ABCC5: variants seen among roughly 807,000 people sequenced by gnomAD.
The protein encoded by ABCC5 is ATP-binding cassette sub-family C member 5.
In ABCC5, 61 loss-of-function variants were observed where a neutral mutation model predicts 160.9. That is an observed-to-expected ratio of 0.38 (90% CI 0.31 to 0.47). The LOEUF (loss-of-function observed/expected upper bound fraction) is 0.47, where lower values mean the gene tolerates loss of function less well. ABCC5 is among the 20% of genes least tolerant of loss of function. The pLI, the probability that ABCC5 is intolerant of heterozygous loss-of-function variation, is 0.99. For synonymous variants in ABCC5, 666 were observed against 700.6 expected, an observed-to-expected ratio of 0.95 and a Z score of 0.78; for missense variants, 1,308 against 1,813.3, an observed-to-expected ratio of 0.72 and a Z score of 5.06.
At position 183,927,242 on chromosome 3, in the gene ABCC5, A is replaced by G. The variant is rs1416226006; in HGVS notation, c.4047+88T>C. On this transcript the variant is annotated intron_variant, in intron 28 of 29. Transcript: ENST00000334444. ...GAAAGTGCCAACAGGGATCAGAGCC[A>G]GGAATACCTTTGGACCCCAGTGTGT... 4 of 1,329,966 alleles carry G rather than the reference A, an allele frequency of 3.0e-6. No individual in the cohort carries two copies. In the East Asian group the frequency reaches 1.0e-4, roughly 34 times the overall value. 82.4% of individuals were successfully genotyped at this position (1,329,966 alleles called of 1,614,324 possible).
intron 9 of ABCC5, 126 bp downstream of exon 9, chr3:183,978,377 G>T: frequency 9.4e-7 from 1 of 1,069,002 alleles, no homozygotes; most frequent in Non-Finnish European, 1.3e-6. Context: ...CCCCCAGGCT[G>T]GAGTGCAATG....
At chr3:183,929,351 T>G (rs1366730572) in intron 26 of ABCC5, among the ~76,000 whole-genome samples, 1 of 152,116 alleles carries the variant, frequency 6.6e-6, no homozygotes, top group Non-Finnish European at 1.5e-5. Flanking sequence ...GAGAATTGCT[T>G]GAACCCAGGA....
At position 183,982,452 on chromosome 3, in the gene ABCC5, A is replaced by G; in HGVS notation, c.998T>C (p.Met333Thr). 1 of 1,613,536 alleles carries G rather than the reference A, an allele frequency of 6.2e-7. No individual in the cohort carries two copies. The highest frequency in any genetic ancestry group is 8.5e-7 in the Non-Finnish European group (1 of 1,179,674). The change falls in exon 7 of 30, where the codon ATG (methionine) becomes ACG (threonine). Residue 333 changes from methionine (M) to threonine (T), a missense_variant and splice_region_variant. Physicochemically the swap from Met to Thr is moderately conservative, Grantham distance 81 (BLOSUM62 -1). Coordinates refer to ENST00000334444, the MANE Select transcript of ABCC5 (RefSeq NM_005688.4). The surrounding 1 kb of genome is among the most constrained non-coding windows in gnomAD (Gnocchi z 5.2). The part of the protein sequence containing the change: ...SAVFILFYPA[M>T]MFASRLTAYF... ...GATTCAGCTGGGAGGCTTACTCACC[A>G]TTGCTGGGTAAAAGAGGATAAAAAC...
chr3:184,008,097 T>G (rs1721386781), intron 2 of ABCC5, among the ~76,000 whole-genome samples: 1 of 145,088 alleles, frequency 6.9e-6, no homozygotes, highest in African/African-American at 2.6e-5. Context: ...GCATCTAAAT[T>G]ACAGTCATCT....
intron 2 of ABCC5, among the ~76,000 whole-genome samples, chr3:184,002,571 C>T (rs562259407): frequency 1.3e-5 from 2 of 152,352 alleles, no homozygotes; most frequent in South Asian, 2.1e-4. Flanking sequence ...GACGCTTCTG[C>T]GGGCGCTAAC....
intron 11 of ABCC5, among the ~76,000 whole-genome samples, chr3:183,970,105 T>G (rs981700963): frequency 5.3e-5 from 8 of 152,216 alleles, no homozygotes; most frequent in Non-Finnish European, 1.2e-4. Context: ...CATTCTGCTG[T>G]GAATCCTCCA....
At chr3:183,980,526 A>G (rs1307241920) in intron 8 of ABCC5, among the ~76,000 whole-genome samples, 1 of 152,154 alleles carries the variant, frequency 6.6e-6, no homozygotes, top group African/African-American at 2.4e-5. Context: ...TCTAGTAGAA[A>G]CAAACTCACT....
At chr3:183,952,372 C>G (rs996960790) in intron 18 of ABCC5, among the ~76,000 whole-genome samples, 1 of 152,132 alleles carries the variant, frequency 6.6e-6, no homozygotes, top group Non-Finnish European at 1.5e-5. Flanking sequence ...GTCTTGAACT[C>G]CTAGCCCCAA....
chr3:183,986,134 AAT>A (rs1719198702), intron 5 of ABCC5: 1 of 152,328 alleles, frequency 6.6e-6, no homozygotes, highest in South Asian at 2.1e-4. Context: ...TGCTAGTACT[AAT>A]CTCAAAACCA....
chr3:183,935,344 C>G (rs1713595364), intron 26 of ABCC5, among the ~76,000 whole-genome samples: 1 of 150,582 alleles, frequency 6.6e-6, no homozygotes, highest in African/African-American at 2.5e-5. Context: ...CCAAGACTGG[C>G]TAATTTTTGT....
chr3:183,967,365 C>G, intron 12 of ABCC5: 1 of 308,158 alleles, frequency 3.2e-6, no homozygotes, highest in South Asian at 3.2e-5. Flanking sequence ...TGTAGGGTGT[C>G]TGCTCATCTC....
intron 2 of ABCC5, among the ~76,000 whole-genome samples, chr3:184,010,864 C>T (rs1223478136): frequency 1.4e-5 from 2 of 144,124 alleles, no homozygotes; most frequent in South Asian, 2.2e-4. Context: ...ATGGCGCGAT[C>T]TTGGTTCACT....
At chr3:183,961,369 A>G (rs1716716252) in intron 16 of ABCC5, 142 bp downstream of exon 16, 2 of 1,027,156 alleles carry the variant, frequency 1.9e-6, no homozygotes, top group East Asian at 5.2e-5. Flanking sequence ...ACTAAGGCAC[A>G]GCAGTCTGTT....
intron 2 of ABCC5, among the ~76,000 whole-genome samples, chr3:184,013,203 C>T (rs1721899615): frequency 6.6e-6 from 1 of 152,192 alleles, no homozygotes; most frequent in Non-Finnish European, 1.5e-5. Flanking sequence ...AATCCCACAA[C>T]TATCTAGAAT....
chr3:183,979,165 CA>C (rs749960216), intron 8 of ABCC5, among the ~76,000 whole-genome samples: 1 of 152,058 alleles, frequency 6.6e-6, no homozygotes, highest in Non-Finnish European at 1.5e-5. Context: ...GCCAACACGG[CA>C]AAACCCCGTC....
chr3:183,962,844 G>A lies in ABCC5; in HGVS notation c.2235+541C>T, dbSNP rs767300648. Among the ~76,000 whole-genome samples the A allele has an allele frequency of 4.5e-4, 69 of 152,216 alleles. No homozygotes were observed. In the Middle Eastern group the frequency reaches 0.017, roughly 38 times the overall value. On this transcript the variant is annotated intron_variant, in intron 15 of 29. Transcript: ENST00000334444. ...GCCGAGTCCCTCCGGTTTTTCACAT[G>A]AATCTGCTGATGGAGCCACATGAGC... is the stretch of plus-strand genomic sequence containing the variant.
chr3:183,981,551 T>C (rs752757799), intron 8 of ABCC5, among the ~76,000 whole-genome samples, 176 bp downstream of exon 8: 1 of 152,244 alleles, frequency 6.6e-6, no homozygotes, highest in Non-Finnish European at 1.5e-5. Context: ...GATGAGGTTA[T>C]GGGTTCAAAC....
rs1012364191 is a variant in ABCC5 at position 183,959,806 on chromosome 3, T to G, written c.2409A>C (p.Ser803=). The change falls in exon 17 of 30, where the codon TCA becomes TCC. Residue 803 remains serine, a synonymous_variant. Coordinates refer to ENST00000334444, the MANE Select transcript of ABCC5 (RefSeq NM_005688.4). The stretch of plus-strand genomic sequence containing the variant: ...GACCCTTGTCTTGTGACTTCTTCTG[T>G]GAACCACTGGTTTCCTTTTTTGAAT... ...EINSKKETSG[S]QKKSQDKGPK... The G allele has an allele frequency of 1.4e-5, 23 of 1,612,108 alleles. No homozygotes were observed. The highest frequency in any genetic ancestry group is 1.9e-5 in the Non-Finnish European group (22 of 1,179,232).
At position 183,963,434 on chromosome 3, in the gene ABCC5, C is replaced by T. The variant is rs761443753; in HGVS notation, c.2186G>A (p.Arg729Gln). 6.2e-6 allele frequency: 10 copies of T among 1,614,128 alleles called. No individual in the cohort carries two copies. The highest frequency in any genetic ancestry group is 1.6e-4 in the Middle Eastern group (1 of 6,084). ...AACTGTCTTGGACTTGAGATGTTTC[C>T]GGATAGCACTATTGAAGATGTGGTT... ...VGNHIFNSAI[R>Q]KHLKSKTVLF... Residue 729 changes from arginine (R) to glutamine (Q), a missense_variant, in exon 15 of 30, where the codon CGG (arginine) becomes CAG (glutamine). By Grantham distance (43) the Arg-to-Gln change is conservative (BLOSUM62 1). This residue lies in a region of ABCC5 where 1,142 missense variants were observed against 1,527.1 expected (regional missense o/e 0.75). Coordinates refer to ENST00000334444, the MANE Select transcript of ABCC5 (RefSeq NM_005688.4). The surrounding 1 kb of genome is among the most constrained non-coding windows in gnomAD (Gnocchi z 4.6).
Sources: allele counts gnomAD v4.1 joint callset (sites outside exome capture counted in the v4.1 genomes callset), GRCh38; gene constraint gnomAD v4.1.1; regional missense constraint gnomAD v4.1.1; non-coding constraint Gnocchi (gnomAD v3.1); transcripts MANE v1.5; gene names NCBI Gene and HGNC (gene_info 2026-07-23, HGNC 2026-07-21).